ASTN2: variants seen among roughly 807,000 people sequenced by gnomAD.
The protein encoded by ASTN2 is astrotactin 2, also known as astrotactin-2.
A neutral mutation model predicts 139.8 loss-of-function variants in ASTN2; 54 were observed. That is an observed-to-expected ratio of 0.39 (90% CI 0.31 to 0.48). The LOEUF is 0.48. Ranked by LOEUF, ASTN2 falls within the 20% of genes least tolerant of loss-of-function variation. The pLI is 0.95. For missense variants in ASTN2, 1,565 were observed against 1,725.1 expected, an observed-to-expected ratio of 0.91 and a Z score of 1.64; for synonymous variants, 756 against 719.5, an observed-to-expected ratio of 1.05 and a Z score of -0.81.
In ASTN2 at chr9:117,197,897, T is replaced by C. The variant is rs184664211; in HGVS notation, c.1015+16461A>G. 4.5e-3 allele frequency among the ~76,000 whole-genome samples: 685 copies of C among 152,320 alleles called. 4 individuals carry two copies. The highest frequency in any genetic ancestry group is 0.013 in the African/African-American group (551 of 41,564). On this transcript the variant is annotated intron_variant, in intron 3 of 22. Coordinates refer to ENST00000313400, the MANE Select transcript of ASTN2 (RefSeq NM_001365068.1). ...GCACTTTAATGATGTAATTCCATTG[T>C]TTTCTGGCTTTAATAATTGCTAATG...
intron 2 of ASTN2, among the ~76,000 whole-genome samples, chr9:117,289,541 A>G (rs1213528609): frequency 1.3e-5 from 2 of 152,230 alleles, no homozygotes; most frequent in Non-Finnish European, 2.9e-5. Flanking sequence ...CTGGGTTACA[A>G]GAAGGATACA....
chr9:116,734,225 TTA>T (rs1828862203), intron 13 of ASTN2, among the ~76,000 whole-genome samples: 2 of 152,072 alleles, frequency 1.3e-5, no homozygotes, highest in South Asian at 4.2e-4. Context: ...TCTAACTTCT[TTA>T]GGTGCCTCTA....
At chr9:116,687,310 A>G (rs1419869268) in intron 16 of ASTN2, 3 of 978,866 alleles carry the variant, frequency 3.1e-6, no homozygotes, top group Non-Finnish European at 3.6e-6. Flanking sequence ...GGGGTGCTCA[A>G]CGGCGCGTGC....
At chr9:117,060,024 T>C (rs973156718) in intron 5 of ASTN2, among the ~76,000 whole-genome samples, 9 of 151,680 alleles carry the variant, frequency 5.9e-5, no homozygotes, top group Non-Finnish European at 1.3e-4. Context: ...AAATTAGACG[T>C]GATAGGTCAG....
intron 1 of ASTN2, among the ~76,000 whole-genome samples, chr9:117,317,642 G>A (rs1045322155): frequency 1.3e-5 from 2 of 152,104 alleles, no homozygotes; most frequent in Non-Finnish European, 2.9e-5. Flanking sequence ...TCAAGCCCAG[G>A]GCTCTTTTTA....
intron 11 of ASTN2, among the ~76,000 whole-genome samples, chr9:116,836,388 C>T (rs1454822303): frequency 6.6e-6 from 1 of 152,128 alleles, no homozygotes; most frequent in Non-Finnish European, 1.5e-5. Flanking sequence ...TGCTCACTAT[C>T]TATCATTGAG....
intron 22 of ASTN2, among the ~76,000 whole-genome samples, chr9:116,431,971 C>T (rs983883318): frequency 2.6e-5 from 4 of 151,316 alleles, no homozygotes; most frequent in South Asian, 2.1e-4. Flanking sequence ...TATGTGGCAG[C>T]GGGTTCCTCA....
chr9:117,236,212 C>T (rs1354705209), intron 2 of ASTN2, among the ~76,000 whole-genome samples: 2 of 152,196 alleles, frequency 1.3e-5, no homozygotes, highest in African/African-American at 4.8e-5. Flanking sequence ...CTCAATACTG[C>T]CTTCCATCAT....
intron 14 of ASTN2, among the ~76,000 whole-genome samples, chr9:116,729,658 T>G (rs1265021271): frequency 6.6e-6 from 1 of 152,252 alleles, no homozygotes; most frequent in Non-Finnish European, 1.5e-5. Flanking sequence ...TTTATTAACT[T>G]TCCCTTCATG....
At chr9:117,242,529 T>C (rs1278005539) in intron 2 of ASTN2, among the ~76,000 whole-genome samples, 4 of 152,144 alleles carry the variant, frequency 2.6e-5, no homozygotes, top group African/African-American at 7.2e-5. Flanking sequence ...AGCATAATAG[T>C]ATAACTATCA....
chr9:116,803,520 A>T (rs1383146024), intron 13 of ASTN2, among the ~76,000 whole-genome samples: 76 of 4,032 alleles, frequency 0.019, 1 homozygote, highest in Non-Finnish European at 0.02. Flanking sequence ...ATATATATAT[A>T]TATTTTTTTT....
intron 1 of ASTN2, among the ~76,000 whole-genome samples, chr9:117,363,183 C>T (rs1280128476): frequency 1.3e-5 from 2 of 152,156 alleles, no homozygotes; most frequent in Non-Finnish European, 2.9e-5. Flanking sequence ...TGTTTCCTGC[C>T]AGGACCCTGA....
At chr9:117,042,646 T>C in intron 5 of ASTN2, among the ~76,000 whole-genome samples, 1 of 151,954 alleles carries the variant, frequency 6.6e-6, no homozygotes, top group African/African-American at 2.4e-5. Context: ...TTTATAAATA[T>C]AAATAGATAA....
In ASTN2 at chr9:116,948,988, A is replaced by G. The variant is rs1835483667; in HGVS notation, c.1889+26220T>C. On this transcript the variant is annotated intron_variant, in intron 10 of 22. Transcript: ENST00000313400. Reference sequence around the variant, plus strand: ...TTATTTTTAGTAGAGACTGGGTTTCACCATGTTGGTCAGGCTGCTCTCGAA... The same window carrying G: ...TTATTTTTAGTAGAGACTGGGTTTCGCCATGTTGGTCAGGCTGCTCTCGAA... Among the ~76,000 whole-genome samples the G allele has an allele frequency of 2.0e-5, 3 of 151,574 alleles. No individual in the cohort carries two copies. In the South Asian group the frequency reaches 6.3e-4, roughly 32 times the overall value.
chr9:117,255,148 T>A (rs1469548574), intron 2 of ASTN2, among the ~76,000 whole-genome samples: 2 of 152,204 alleles, frequency 1.3e-5, no homozygotes, highest in Non-Finnish European at 2.9e-5. Flanking sequence ...TGAGGACTAT[T>A]TAGAGTTGAC....
chr9:116,444,902 A>G (rs1190149434), intron 20 of ASTN2, among the ~76,000 whole-genome samples: 1 of 152,208 alleles, frequency 6.6e-6, no homozygotes, highest in Non-Finnish European at 1.5e-5. Context: ...AGCCATGCAG[A>G]AGGGTTGAGA....
chr9:116,870,899 T>A (rs1833145835), intron 10 of ASTN2, among the ~76,000 whole-genome samples: 1 of 152,164 alleles, frequency 6.6e-6, no homozygotes, highest in Non-Finnish European at 1.5e-5. Context: ...CATTCTCTGG[T>A]AATAGCCGAC....
chr9:116,607,018 A>T (rs932565589), intron 19 of ASTN2, among the ~76,000 whole-genome samples: 1 of 152,218 alleles, frequency 6.6e-6, no homozygotes, highest in Non-Finnish European at 1.5e-5. Context: ...GGGTTTAGAC[A>T]TGATAAAGGT....
chr9:116,586,922 C>T (rs1377850999), intron 19 of ASTN2, among the ~76,000 whole-genome samples: 1 of 151,674 alleles, frequency 6.6e-6, no homozygotes, highest in African/African-American at 2.4e-5. Flanking sequence ...CTGACAGTGA[C>T]TTTGAGTTTA....
Sources: allele counts gnomAD v4.1 joint callset (sites outside exome capture counted in the v4.1 genomes callset), GRCh38; gene constraint gnomAD v4.1.1; transcripts MANE v1.5; gene names NCBI Gene and HGNC (gene_info 2026-07-23, HGNC 2026-07-21).